Variants in RPS15 observed in about 807,000 individuals in gnomAD.
RPS15 encodes the protein ribosomal protein S15, also known as small ribosomal subunit protein uS19.
Under a neutral mutation model 14.9 loss-of-function variants are expected in RPS15, and 5 were observed. The observed-to-expected ratio is 0.34, with a 90% CI of 0.18 to 0.70. The LOEUF (loss-of-function observed/expected upper bound fraction) is 0.70. RPS15 is among the 30% of genes least tolerant of loss of function. The pLI, the probability that RPS15 is intolerant of heterozygous loss-of-function variation, is 0.65. For synonymous variants in RPS15, 103 were observed against 85.0 expected (o/e 1.21, Z -1.16); for missense variants, 102 against 204.2 (o/e 0.50, Z 3.05).
rs769723903 is a variant in RPS15 at position 1,438,765 on chromosome 19, G to A, written c.4-42G>A. ...CTCGGGCCCGGTGGCCCCGGGAGAT[G>A]GGTGTCGGGATCCCGCTGACGCCCG... On this transcript the variant is annotated intron_variant, in intron 1 of 3. Coordinates refer to ENST00000592588, the MANE Select transcript of RPS15 (RefSeq NM_001018.5). The surrounding 1 kb of genome is among the most constrained non-coding windows in gnomAD (Gnocchi z 4.8). The A allele has an allele frequency of 2.6e-6, 4 of 1,562,944 alleles. No individual in the cohort carries two copies. The highest frequency in any genetic ancestry group is 3.7e-5 in the Admixed American group (2 of 53,966).
intron 2 of RPS15, 128 bp from the exon 3 acceptor site, chr19:1,439,891 T>C (rs2091685376): frequency 1.3e-6 from 1 of 794,536 alleles, no homozygotes; most frequent in Non-Finnish European, 2.1e-6. Context: ...GTCACTACAA[T>C]GGACAGTGAC....
In RPS15 at chr19:1,438,971, GTCCAAGCGCCTCTGC is replaced by G; in HGVS notation, c.89+80_89+94del. The G allele has an allele frequency of 1.6e-6, 2 of 1,243,748 alleles. No individual in the cohort carries two copies. The highest frequency in any genetic ancestry group is 1.1e-6 in the Non-Finnish European group (1 of 881,342). 77.0% of individuals were successfully genotyped at this position (1,243,748 alleles called of 1,614,324 possible). A position where few individuals can be genotyped will look rare whatever the true frequency, so the allele number is the denominator to read the frequency against. On this transcript the variant is annotated intron_variant, in intron 2 of 3. Transcript: ENST00000592588. This position sits in a 1 kb window ranked among gnomAD's most constrained non-coding sequence, Gnocchi z 4.8. ...TCCGGGTGAGGGCGGCGGGGCGGGGGTCCAAGCGCCTCTGCGGCGGTGGGCGGGCACGGTCTCCGC... is the reference window on the plus strand; with the variant it reads ...TCCGGGTGAGGGCGGCGGGGCGGGGGGGCGGTGGGCGGGCACGGTCTCCGC...
chr19:1,439,876 TTG>T, intron 2 of RPS15, 141 bp from the exon 3 acceptor site: 2 of 743,336 alleles, frequency 2.7e-6, no homozygotes, highest in South Asian at 3.0e-5. Flanking sequence ...GGCGTGTTCA[TTG>T]TAGTCACTAC....
intron 2 of RPS15, 72 bp from the exon 3 acceptor site, chr19:1,439,947 T>C: frequency 7.9e-7 from 1 of 1,260,010 alleles, no homozygotes; most frequent in East Asian, 2.5e-5. Context: ...GCCTTAGTTC[T>C]CTGTCCGCCG....
chr19:1,438,912 T>C lies in RPS15; in HGVS notation c.89+20T>C. 1 of 1,546,228 alleles carries C rather than the reference T, an allele frequency of 6.5e-7. No homozygotes were observed. The highest frequency in any genetic ancestry group is 1.2e-5 in the South Asian group (1 of 85,018). The stretch of plus-strand genomic sequence containing the variant: ...GTCCTAGTAAGGGCGGCCGCGGGGG[T>C]CGCGGGCAGGGGCTGGGCCAGCGGT... On this transcript the variant is annotated intron_variant, in intron 2 of 3. Coordinates refer to ENST00000592588, the MANE Select transcript of RPS15 (RefSeq NM_001018.5). The surrounding 1 kb of genome is among the most constrained non-coding windows in gnomAD (Gnocchi z 4.8).
At chr19:1,439,177 G>C in intron 2 of RPS15, 1 of 427,778 alleles carries the variant, frequency 2.3e-6, no homozygotes, top group East Asian at 4.3e-5. Context: ...GGCTGCGTTA[G>C]ACTCCTTAGA....
chr19:1,440,274 CGGCTGGGGTG>C (rs766229763), intron 3 of RPS15, 21 bp downstream of exon 3: 20 of 1,611,824 alleles, frequency 1.2e-5, no homozygotes, highest in East Asian at 2.2e-5. Flanking sequence ...CCGTCCCTGC[CGGCTGGGGTG>C]GGCTGGGGTC....
At chr19:1,439,116 T>C in intron 2 of RPS15, 1 of 544,672 alleles carries the variant, frequency 1.8e-6, no homozygotes, top group Non-Finnish European at 3.2e-6. Flanking sequence ...TTTCCGCGGC[T>C]TAGTTGGAAG....
chr19:1,439,954 G>A, intron 2 of RPS15, 65 bp from the exon 3 acceptor site: 2 of 1,311,860 alleles, frequency 1.5e-6, no homozygotes, highest in East Asian at 2.5e-5. Context: ...TTCTCTGTCC[G>A]CCGGAGTGCG....
Position 1,440,367 on chromosome 19 carries a change from T to G in RPS15, c.343T>G (p.Tyr115Asp), listed in dbSNP as rs776236475. Reference protein sequence around the residue: ...VEIKPEMIGHYLGEFSITYKP... With the variant: ...VEIKPEMIGHDLGEFSITYKP... ...CCCGCAGCCCGAGATGATCGGCCAC[T>G]ACCTGGGCGAGTTCTCCATCACCTA... is the stretch of plus-strand genomic sequence containing the variant. Residue 115 changes from tyrosine to aspartate, a missense_variant, in exon 4 of 4, where the codon TAC (tyrosine) becomes GAC (aspartate). By Grantham distance (160) the Tyr-to-Asp change is radical (BLOSUM62 -3). Transcript: ENST00000592588. 2 of 1,614,006 alleles carry G rather than the reference T, an allele frequency of 1.2e-6. No homozygotes were observed. The highest frequency in any genetic ancestry group is 1.3e-5 in the African/African-American group (1 of 75,054).
chr19:1,439,483 C>T (rs1001194964), intron 2 of RPS15: 2 of 201,154 alleles, frequency 9.9e-6, no homozygotes, highest in Admixed American at 5.3e-5. Context: ...TGGTCTCAAA[C>T]TCCTGACCTC....
In RPS15 at chr19:1,438,899, G is replaced by C; in HGVS notation, c.89+7G>C. ...AGCTGCTGGACATGTCCTAGTAAGG[G>C]CGGCCGCGGGGGTCGCGGGCAGGGG... On this transcript the variant is annotated splice_region_variant and intron_variant, in intron 2 of 3. Coordinates refer to ENST00000592588, the MANE Select transcript of RPS15 (RefSeq NM_001018.5). This position sits in a 1 kb window ranked among gnomAD's most constrained non-coding sequence, Gnocchi z 4.8. 2 of 1,565,464 alleles carry C rather than the reference G, an allele frequency of 1.3e-6. No individual in the cohort carries two copies. Among genetic ancestry groups the C allele is most frequent in the East Asian group, 4.8e-5 (2 of 41,932 alleles).
At chr19:1,439,304 C>T in intron 2 of RPS15, 1 of 188,828 alleles carries the variant, frequency 5.3e-6, no homozygotes, top group South Asian at 9.9e-5. Flanking sequence ...ATCCTGTCGC[C>T]CAGGCTGGAG....
Position 1,438,767 on chromosome 19 carries a change from G to A in RPS15, c.4-40G>A, listed in dbSNP as rs1334689991. On this transcript the variant is annotated intron_variant, in intron 1 of 3. Transcript: ENST00000592588. The surrounding 1 kb of genome is among the most constrained non-coding windows in gnomAD (Gnocchi z 4.8). ...CGGGCCCGGTGGCCCCGGGAGATGG[G>A]TGTCGGGATCCCGCTGACGCCCGAT... The A allele has an allele frequency of 1.3e-6, 2 of 1,564,586 alleles. No individual in the cohort carries two copies. The highest frequency in any genetic ancestry group is 1.4e-5 in the African/African-American group (1 of 73,464).
intron 2 of RPS15, 147 bp downstream of exon 2, chr19:1,439,039 C>G (rs1416060474): frequency 4.5e-6 from 3 of 664,766 alleles, no homozygotes; most frequent in Non-Finnish European, 7.5e-6. Context: ...TGTGGTCTTG[C>G]GCCCAGAAAA....
chr19:1,438,918 G>A lies in RPS15; in HGVS notation c.89+26G>A. ...GTAAGGGCGGCCGCGGGGGTCGCGG[G>A]CAGGGGCTGGGCCAGCGGTGGGGCT... is the stretch of plus-strand genomic sequence containing the variant. On this transcript the variant is annotated intron_variant, in intron 2 of 3. Transcript: ENST00000592588. The surrounding 1 kb of genome is among the most constrained non-coding windows in gnomAD (Gnocchi z 4.8). 1.3e-6 allele frequency: 2 copies of A among 1,549,608 alleles called. No individual in the cohort carries two copies. The highest frequency in any genetic ancestry group is 1.7e-6 in the Non-Finnish European group (2 of 1,145,912).
In RPS15 at chr19:1,440,423, C is replaced by T. The variant is rs1481647498; in HGVS notation, c.399C>T (p.Ile133=). The change falls in exon 4 of 4, where the codon ATC becomes ATT. Residue 133 remains isoleucine, a synonymous_variant. Coordinates refer to ENST00000592588, the MANE Select transcript of RPS15 (RefSeq NM_001018.5). ...YKPVKHGRPG[I]GATHSSRFIP... is the part of the protein sequence containing the mutation. ...CCGTAAAGCATGGCCGGCCCGGCAT[C>T]GGGGCCACCCACTCCTCCCGCTTCA... 9 of 1,613,970 alleles carry T rather than the reference C, an allele frequency of 5.6e-6. No individual in the cohort carries two copies. In the Admixed American group the frequency reaches 8.3e-5, roughly 15 times the overall value.
chr19:1,439,809 G>C, intron 2 of RPS15: 3 of 629,732 alleles, frequency 4.8e-6, no homozygotes, highest in Non-Finnish European at 8.6e-6. Context: ...GTCACACGGT[G>C]GCTCTTGCAT....
rs1600266511 is a variant in RPS15, at chr19:1,438,851, C to T, written c.48C>T (p.Thr16=). 1 of 1,595,764 alleles carries T rather than the reference C, an allele frequency of 6.3e-7. No individual in the cohort carries two copies. Among genetic ancestry groups the T allele is most frequent in the African/African-American group, 1.3e-5 (1 of 74,590 alleles). The change falls in exon 2 of 4, where the codon ACC becomes ACT. Residue 16 remains threonine (T), a synonymous_variant. Transcript: ENST00000592588. The surrounding 1 kb of genome is among the most constrained non-coding windows in gnomAD (Gnocchi z 4.8). ...QKKKRTFRKF[T]YRGVDLDQLL... is the part of the protein sequence containing the mutation. ...AGAAGCGGACCTTCCGCAAGTTCAC[C>T]TACCGCGGCGTGGACCTCGACCAGC...
Sources: allele counts gnomAD v4.1 joint callset, GRCh38; gene constraint gnomAD v4.1.1; non-coding constraint Gnocchi (gnomAD v3.1); transcripts MANE v1.5; gene names NCBI Gene and HGNC (gene_info 2026-07-23, HGNC 2026-07-21).